ATXN7: variants seen among roughly 807,000 people sequenced by gnomAD.
The protein encoded by ATXN7 is ataxin 7.
Under a neutral mutation model 70.5 loss-of-function variants are expected in ATXN7, and 12 were observed. The observed-to-expected ratio is 0.17, with a 90% CI of 0.11 to 0.28. The LOEUF is 0.28. Among genes scored for constraint, ATXN7 ranks in the 10% least tolerant of loss-of-function variants. ATXN7 has a pLI of 1.00. For missense variants in ATXN7, 1,256 were observed against 1,131.7 expected (o/e 1.11, Z -1.58); for synonymous variants, 498 against 448.7 (o/e 1.11, Z -1.39).
intron 1 of ATXN7, among the ~76,000 whole-genome samples, chr3:63,895,745 CTCTCTT>C (rs529512979): frequency 6.4e-4 from 97 of 152,038 alleles, no homozygotes; most frequent in Non-Finnish European, 1.1e-3. Context: ...TTCTCTCTCT[CTCTCTT>C]TCTCTCTTTT....
Position 63,996,281 on chromosome 3 carries a change from G to A in ATXN7, c.2459G>A (p.Gly820Asp), listed in dbSNP as rs781068016. 33 of 1,614,078 alleles carry A rather than the reference G, an allele frequency of 2.0e-5. No individual in the cohort carries two copies. Among genetic ancestry groups the A allele is most frequent in the Non-Finnish European group, 2.6e-5 (31 of 1,180,016 alleles). ...AATGAACTGCCTGTCAACTCCCACG[G>A]CAGTTTTTCCCACTCACACACTCCT... ...QSNELPVNSH[G>D]SFSHSHTPLD... The change falls in exon 12 of 13, where the codon GGC (glycine) becomes GAC (aspartate). Residue 820 changes from glycine (G) to aspartate (D), a missense_variant. Gly to Asp is a moderately conservative substitution (Grantham distance 94, BLOSUM62 -1). Coordinates refer to ENST00000674280, the MANE Select transcript of ATXN7 (RefSeq NM_001377405.1).
chr3:63,865,894 C>CAAAAAA (rs34205947), intron 1 of ATXN7, among the ~76,000 whole-genome samples: 308 of 16,534 alleles, frequency 0.019, 11 homozygotes, highest in East Asian at 0.024. Flanking sequence ...GACTCCATCT[C>CAAAAAA]AAAAAAAAAA....
intron 4 of ATXN7, 143 bp downstream of exon 4, chr3:63,913,368 G>T (rs1003141396): frequency 1.4e-5 from 12 of 871,794 alleles, no homozygotes; most frequent in East Asian, 1.3e-4. Context: ...AGGGAGGGAG[G>T]GGGCAGAGCG....
chr3:63,982,933 T>C lies in ATXN7; in HGVS notation c.1013-6T>C. 2 of 1,613,068 alleles carry C rather than the reference T, an allele frequency of 1.2e-6. No homozygotes were observed. Among genetic ancestry groups the C allele is most frequent in the Non-Finnish European group, 1.7e-6 (2 of 1,179,052 alleles). ...GCCACATGTAATGCCTGTGTTCTTT[T>C]GACAGAAAGAGAGTTTGATCCTGAC... On this transcript the variant is annotated splice_region_variant and splice_polypyrimidine_tract_variant and intron_variant, in intron 7 of 12. Transcript: ENST00000674280.
chr3:63,901,218 T>C (rs2107269011), intron 2 of ATXN7: 1 of 152,316 alleles, frequency 6.6e-6, no homozygotes, highest in East Asian at 1.9e-4. Context: ...AATTAACTAA[T>C]TTAATAGCTA....
intron 5 of ATXN7, among the ~76,000 whole-genome samples, chr3:63,964,378 A>C (rs1014032874): frequency 6.6e-6 from 1 of 152,164 alleles, no homozygotes; most frequent in African/African-American, 2.4e-5. Flanking sequence ...GATTAATTGC[A>C]AGGCCAAGGA....
chr3:63,971,138 A>G (rs1418674045), intron 5 of ATXN7, among the ~76,000 whole-genome samples: 1 of 152,164 alleles, frequency 6.6e-6, no homozygotes, highest in African/African-American at 2.4e-5. Flanking sequence ...AAATCTCTCT[A>G]GTGGAAATGA....
chr3:63,878,309 C>G (rs529507614), intron 1 of ATXN7, among the ~76,000 whole-genome samples: 3 of 152,302 alleles, frequency 2.0e-5, no homozygotes, highest in Admixed American at 2.0e-4. Context: ...AGTGGCATCT[C>G]TTTGTAAACA....
chr3:63,945,859 G>A (rs1470434378), intron 4 of ATXN7, among the ~76,000 whole-genome samples: 3 of 152,176 alleles, frequency 2.0e-5, no homozygotes, highest in Admixed American at 2.0e-4. Context: ...ACAGGTCTGG[G>A]GGAACTGAGT....
At chr3:63,912,945 C>T in intron 3 of ATXN7, 22 bp downstream of exon 3, 4 of 1,559,524 alleles carry the variant, frequency 2.6e-6, no homozygotes, top group Non-Finnish European at 2.6e-6. Flanking sequence ...CGCCCTCCTC[C>T]CCCCTTCACC....
intron 1 of ATXN7, among the ~76,000 whole-genome samples, chr3:63,875,838 C>T (rs1280084966): frequency 1.3e-5 from 2 of 152,080 alleles, no homozygotes; most frequent in South Asian, 2.1e-4. Flanking sequence ...AGGCTCTTTC[C>T]CCCCATTACT....
At position 63,912,691 on chromosome 3, in the gene ATXN7, GCAGCAGCA is replaced by G; in HGVS notation, c.94_101del (p.Gln32AlafsTer54). ...CAGCGGCCGCGGCCGCCCGGCAGCA[GCAGCAGCA>G]GCAGCAGCAGCAGCAGCCGCCGCCT... On this transcript the variant is annotated frameshift_variant, in exon 3 of 13. Coordinates refer to ENST00000674280, the MANE Select transcript of ATXN7 (RefSeq NM_001377405.1). LOFTEE classifies it high-confidence loss of function. 1 of 1,119,284 alleles carries G rather than the reference GCAGCAGCA, an allele frequency of 8.9e-7. No homozygotes were observed. Among genetic ancestry groups the G allele is most frequent in the African/African-American group, 1.8e-5 (1 of 55,922 alleles). The allele number at this position is 1,119,284 out of a possible 1,614,324, so 69.3% of individuals were successfully genotyped here. A position where few individuals can be genotyped will look rare whatever the true frequency, so the allele number is the denominator to read the frequency against.
intron 4 of ATXN7, among the ~76,000 whole-genome samples, chr3:63,933,821 T>C (rs1054711794): frequency 3.9e-5 from 6 of 152,096 alleles, no homozygotes; most frequent in African/African-American, 1.4e-4. Flanking sequence ...AATAAAGGGG[T>C]GCGCAGTGGT....
chr3:63,908,038 A>T (rs1391853254), intron 2 of ATXN7, among the ~76,000 whole-genome samples: 2 of 152,196 alleles, frequency 1.3e-5, no homozygotes, highest in Non-Finnish European at 2.9e-5. Context: ...CAATCCAAAA[A>T]TTTAAGGGTT....
chr3:63,975,516 T>G (rs930082152), intron 5 of ATXN7, among the ~76,000 whole-genome samples: 1 of 152,242 alleles, frequency 6.6e-6, no homozygotes, highest in Non-Finnish European at 1.5e-5. Context: ...ACATTTTGTT[T>G]TGACTGCTTT....
chr3:63,996,519 A>G (rs2075762708), intron 12 of ATXN7, 36 bp downstream of exon 12: 1 of 1,589,918 alleles, frequency 6.3e-7, no homozygotes, highest in South Asian at 1.1e-5. Context: ...GGGAATGCCC[A>G]TTTCTTCTCC....
chr3:63,923,350 G>A (rs911331040), intron 4 of ATXN7, among the ~76,000 whole-genome samples: 6 of 152,174 alleles, frequency 3.9e-5, no homozygotes, highest in Admixed American at 6.5e-5. Flanking sequence ...AGCCCTCTAG[G>A]GAAGTGAGAT....
chr3:63,982,497 A>G (rs1559656154), intron 7 of ATXN7, 52 bp downstream of exon 7: 10 of 1,440,378 alleles, frequency 6.9e-6, no homozygotes, highest in Non-Finnish European at 9.5e-6. Flanking sequence ...TTAAATGGGC[A>G]TTCGTGGGGA....
At chr3:63,952,273 TG>T in intron 4 of ATXN7, 105 bp from the exon 5 acceptor site, 2 of 672,596 alleles carry the variant, frequency 3.0e-6, no homozygotes, top group Non-Finnish European at 5.0e-6. Context: ...TCATTTGTCC[TG>T]GTATACTTTA....
Sources: gnomAD v4.1 joint callset for allele counts (sites outside exome capture counted in the v4.1 genomes callset) on GRCh38, gnomAD v4.1.1 for gene constraint, MANE v1.5 for transcripts, NCBI Gene and HGNC (gene_info 2026-07-23, HGNC 2026-07-21) for gene names.